Variants in CSMD1 observed in about 807,000 individuals in gnomAD.
CSMD1 encodes CUB and sushi domain-containing protein 1.
Under a neutral mutation model 417.5 loss-of-function variants are expected in CSMD1, and 213 were observed. The observed-to-expected ratio is 0.51, with a 90% CI of 0.46 to 0.57. The LOEUF (loss-of-function observed/expected upper bound fraction) is 0.57. Among genes scored for constraint, CSMD1 ranks in the 20% least tolerant of loss-of-function variants. The probability of loss-of-function intolerance (pLI) is 0.00; values close to 1 mark genes in which losing one functional copy is unlikely to be tolerated. For missense variants in CSMD1, 6,923 were observed against 4,529.7 expected (o/e 1.53, Z -15.17); for synonymous variants, 2,862 against 1,736.8 (o/e 1.65, Z -16.11).
intron 1 of CSMD1, among the ~76,000 whole-genome samples, chr8:4,676,389 T>A (rs1378975441): frequency 1.3e-5 from 2 of 152,192 alleles, no homozygotes; most frequent in Non-Finnish European, 2.9e-5. Flanking sequence ...GTCCTTGACT[T>A]TGACTTCCCC....
At chr8:4,702,232 C>A (rs1421088671) in intron 1 of CSMD1, among the ~76,000 whole-genome samples, 3 of 152,110 alleles carry the variant, frequency 2.0e-5, no homozygotes, top group Non-Finnish European at 4.4e-5. Flanking sequence ...TGGAACAAAC[C>A]TGTGCATGTA....
intron 1 of CSMD1, among the ~76,000 whole-genome samples, chr8:4,912,402 G>A (rs992125639): frequency 2.0e-5 from 3 of 151,534 alleles, no homozygotes; most frequent in Non-Finnish European, 2.9e-5. Flanking sequence ...TTGCTGTGGG[G>A]TTGTCTAGAT....
chr8:4,047,516 A>G (rs1449294637), intron 3 of CSMD1, among the ~76,000 whole-genome samples: 1 of 122,742 alleles, frequency 8.1e-6, no homozygotes. Flanking sequence ...ACATTGTGAT[A>G]TGTCATTCAT....
chr8:4,328,112 C>CTA (rs1276613843), intron 3 of CSMD1, among the ~76,000 whole-genome samples: 1 of 152,160 alleles, frequency 6.6e-6, no homozygotes, highest in Non-Finnish European at 1.5e-5. Flanking sequence ...AAACAAGTCA[C>CTA]TATGTCCATT....
chr8:3,992,855 C>T (rs563694077), intron 5 of CSMD1, among the ~76,000 whole-genome samples: 1 of 152,348 alleles, frequency 6.6e-6, no homozygotes, highest in African/African-American at 2.4e-5. Context: ...AGCATTGCTG[C>T]GTGGTCTCCT....
In CSMD1 at chr8:3,110,265, C is replaced by T. The variant is rs746582741; in HGVS notation, c.6501G>A (p.Pro2167=). The change falls in exon 43 of 70, where the codon CCG becomes CCA. Residue 2167 remains proline, a synonymous_variant. Transcript: ENST00000635120. The part of the protein sequence containing the change: ...IYSPGFPDEY[P]ILKDCIWLIT... ...TGAGCCAAATGCAGTCCTTCAGGAT[C>T]GGATACTCATCAGGAAAGCCAGGGG... is the stretch of plus-strand genomic sequence containing the variant. 1.9e-6 allele frequency: 3 copies of T among 1,613,386 alleles called. No individual in the cohort carries two copies. The highest frequency in any genetic ancestry group is 2.5e-6 in the Non-Finnish European group (3 of 1,179,656).
At chr8:3,857,997 T>C (rs1804434159) in intron 5 of CSMD1, among the ~76,000 whole-genome samples, 1 of 152,244 alleles carries the variant, frequency 6.6e-6, no homozygotes, top group African/African-American at 2.4e-5. Context: ...GTGCGGTCTC[T>C]GCACAAGATT....
At position 4,312,780 on chromosome 8, in the gene CSMD1, A is replaced by G. The variant is rs565839820; in HGVS notation, c.415+107173T>C. 8.5e-5 allele frequency among the ~76,000 whole-genome samples: 13 copies of G among 152,256 alleles called. No individual in the cohort carries two copies. In the South Asian group the frequency reaches 2.1e-3, roughly 24 times the overall value. ...TCCCAGCTACTCCGGAGGCTGAAGC[A>G]GGATAATTGCTTGAACCAGGGTGGT... On this transcript the variant is annotated intron_variant, in intron 3 of 69. Coordinates refer to ENST00000635120, the MANE Select transcript of CSMD1 (RefSeq NM_033225.6).
chr8:3,035,586 C>G (rs1810624275), intron 50 of CSMD1, among the ~76,000 whole-genome samples: 1 of 152,072 alleles, frequency 6.6e-6, no homozygotes, highest in Non-Finnish European at 1.5e-5. Context: ...GACAAGAGCT[C>G]CAAACATACT....
At chr8:3,945,411 G>A (rs768759617) in intron 5 of CSMD1, among the ~76,000 whole-genome samples, 1 of 151,898 alleles carries the variant, frequency 6.6e-6, no homozygotes, top group Non-Finnish European at 1.5e-5. Flanking sequence ...AACTTTTTTG[G>A]GGGGGCATAT....
chr8:3,583,078 C>T (rs1335766737), intron 9 of CSMD1, among the ~76,000 whole-genome samples: 1 of 152,150 alleles, frequency 6.6e-6, no homozygotes, highest in African/African-American at 2.4e-5. Context: ...TGGACAGCAG[C>T]TTTGACCTCT....
At chr8:3,371,445 C>A (rs13280606) in intron 18 of CSMD1, among the ~76,000 whole-genome samples, 1 of 150,422 alleles carries the variant, frequency 6.6e-6, no homozygotes, top group Non-Finnish European at 1.5e-5. Flanking sequence ...CTCAGTGTCA[C>A]AATTTACTAT....
chr8:4,638,738 T>C (rs17070944), intron 1 of CSMD1, among the ~76,000 whole-genome samples: 10,309 of 152,202 alleles, frequency 0.068, 541 homozygotes, highest in East Asian at 0.2. Flanking sequence ...GCAGGTGGAA[T>C]TGGGATCACC....
chr8:4,656,931 A>G (rs574511171), intron 1 of CSMD1, among the ~76,000 whole-genome samples: 23 of 152,150 alleles, frequency 1.5e-4, no homozygotes, highest in Non-Finnish European at 2.8e-4. Flanking sequence ...ACACTGACAA[A>G]AGGTGTTTGT....
chr8:3,139,483 C>A (rs1267018452), intron 41 of CSMD1, among the ~76,000 whole-genome samples: 1 of 152,242 alleles, frequency 6.6e-6, no homozygotes, highest in African/African-American at 2.4e-5. Flanking sequence ...AGGAAGTGTG[C>A]CTCCAGGGCT....
chr8:3,690,409 A>C (rs1232082413), intron 7 of CSMD1, among the ~76,000 whole-genome samples: 2 of 152,242 alleles, frequency 1.3e-5, no homozygotes, highest in Non-Finnish European at 2.9e-5. Context: ...GCCTTTGATA[A>C]AATATTTGAA....
intron 12 of CSMD1, among the ~76,000 whole-genome samples, chr8:3,411,181 A>G (rs1274572996): frequency 1.3e-5 from 2 of 152,188 alleles, no homozygotes; most frequent in Non-Finnish European, 2.9e-5. Context: ...CAACTTTGGA[A>G]GAGCAGAGGC....
chr8:3,891,193 G>C (rs1039061582), intron 5 of CSMD1, among the ~76,000 whole-genome samples: 1 of 152,016 alleles, frequency 6.6e-6, no homozygotes, highest in African/African-American at 2.4e-5. Context: ...CCACAGGCAT[G>C]TGCCATCATG....
intron 5 of CSMD1, among the ~76,000 whole-genome samples, chr8:3,876,317 A>G (rs909602435): frequency 7.9e-5 from 12 of 152,182 alleles, no homozygotes; most frequent in African/African-American, 2.7e-4. Context: ...AAGGTGATGC[A>G]CATTTCAAAG....
Sources: gnomAD v4.1 joint callset for allele counts (sites outside exome capture counted in the v4.1 genomes callset) on GRCh38, gnomAD v4.1.1 for gene constraint, MANE v1.5 for transcripts, NCBI Gene and HGNC (gene_info 2026-07-23, HGNC 2026-07-21) for gene names.